Variants in GRM3 observed in about 807,000 individuals in gnomAD.
GRM3 encodes metabotropic glutamate receptor 3.
In GRM3, 26 loss-of-function variants were observed where a neutral mutation model predicts 70.5. The observed-to-expected ratio is 0.37, with a 90% CI of 0.27 to 0.51. The LOEUF (loss-of-function observed/expected upper bound fraction) is 0.51. GRM3 is among the 20% of genes least tolerant of loss of function. GRM3 has a pLI of 0.93. For missense variants in GRM3, 859 were observed against 1,123.8 expected (o/e 0.76, Z 3.37); for synonymous variants, 443 against 434.9 (o/e 1.02, Z -0.23).
intron 1 of GRM3, among the ~76,000 whole-genome samples, chr7:86,687,247 A>T (rs957433919): frequency 1.3e-5 from 2 of 152,016 alleles, no homozygotes; most frequent in Non-Finnish European, 2.9e-5. Flanking sequence ...TTTTATAGAC[A>T]TAAGATCCAA....
intron 1 of GRM3, among the ~76,000 whole-genome samples, chr7:86,672,174 A>C (rs1794188315): frequency 6.6e-6 from 1 of 152,200 alleles, no homozygotes; most frequent in African/African-American, 2.4e-5. Context: ...GAAATCAGTT[A>C]GGCAAATGTA....
intron 5 of GRM3, among the ~76,000 whole-genome samples, chr7:86,862,505 C>A (rs977051193): frequency 2.6e-5 from 4 of 152,086 alleles, no homozygotes; most frequent in Non-Finnish European, 5.9e-5. Flanking sequence ...TCAGGAAATG[C>A]ATATGACACC....
chr7:86,689,131 T>G (rs1794637629), intron 1 of GRM3, among the ~76,000 whole-genome samples: 1 of 151,392 alleles, frequency 6.6e-6, no homozygotes. Context: ...GTTTTGCAAG[T>G]TTAAATAGTA....
chr7:86,862,412 A>T (rs1798977620), intron 5 of GRM3, among the ~76,000 whole-genome samples: 1 of 152,118 alleles, frequency 6.6e-6, no homozygotes, highest in African/African-American at 2.4e-5. Context: ...AAGCCCTCAC[A>T]TTTGGAATTA....
chr7:86,673,810 C>T (rs920053606), intron 1 of GRM3, among the ~76,000 whole-genome samples: 2 of 152,098 alleles, frequency 1.3e-5, no homozygotes, highest in African/African-American at 2.4e-5. Flanking sequence ...AAGCCAGAAA[C>T]ATGGGAATCA....
At chr7:86,646,016 T>TTAG (rs1793462337) in intron 1 of GRM3, among the ~76,000 whole-genome samples, 1 of 9,898 alleles carries the variant, frequency 1.0e-4, no homozygotes, top group African/African-American at 4.2e-4. Context: ...TGGGGGGGGG[T>TTAG]GGGAGGGAGT....
At chr7:86,649,748 T>A (rs1009423295) in intron 1 of GRM3, among the ~76,000 whole-genome samples, 2 of 152,080 alleles carry the variant, frequency 1.3e-5, no homozygotes, top group Non-Finnish European at 2.9e-5. Flanking sequence ...TTTGAGAAGA[T>A]TCCTCTAAGA....
intron 1 of GRM3, among the ~76,000 whole-genome samples, chr7:86,688,837 T>A (rs1417673839): frequency 6.7e-6 from 1 of 148,604 alleles, no homozygotes; most frequent in Non-Finnish European, 1.5e-5. Flanking sequence ...TATATATGTG[T>A]TGACTTTTTA....
At chr7:86,647,500 A>G (rs962451615) in intron 1 of GRM3, among the ~76,000 whole-genome samples, 3 of 152,202 alleles carry the variant, frequency 2.0e-5, no homozygotes. Context: ...CGCACACTGG[A>G]ATGTGGCCAA....
chr7:86,644,232 TCGTATAAAAATC>T lies in GRM3; in HGVS notation c.-779_-768del, dbSNP rs1161531597. On this transcript the variant is annotated 5_prime_UTR_variant, in exon 1 of 6. Coordinates refer to ENST00000361669, the MANE Select transcript of GRM3 (RefSeq NM_000840.3). ...CAGTCGGCAAATCTACCCTGGCTTT[TCGTATAAAAATC>T]CTCTCGTCTAGGTACCCTGGCTCAC... is the stretch of plus-strand genomic sequence containing the variant. The T allele has an allele frequency of 1.3e-4, 22 of 173,782 alleles. No homozygotes were observed. The highest frequency in any genetic ancestry group is 1.1e-3 in the Admixed American group (20 of 18,188). 10.8% of individuals were successfully genotyped at this position (173,782 alleles called of 1,614,324 possible). A position where few individuals can be genotyped will look rare whatever the true frequency, so the allele number is the denominator to read the frequency against.
At chr7:86,693,167 C>T (rs1422966055) in intron 1 of GRM3, among the ~76,000 whole-genome samples, 1 of 152,166 alleles carries the variant, frequency 6.6e-6, no homozygotes, top group Non-Finnish European at 1.5e-5. Flanking sequence ...CTATGTGAGA[C>T]TCTATACCAG....
intron 3 of GRM3, among the ~76,000 whole-genome samples, chr7:86,792,823 G>A (rs1424168361): frequency 6.6e-6 from 1 of 152,104 alleles, no homozygotes; most frequent in Non-Finnish European, 1.5e-5. Context: ...AAATTACTAT[G>A]TATCTTACAC....
At chr7:86,861,133 G>A (rs1243136583) in intron 5 of GRM3, among the ~76,000 whole-genome samples, 2 of 152,180 alleles carry the variant, frequency 1.3e-5, no homozygotes, top group African/African-American at 4.8e-5. Context: ...TCTTGGCAAG[G>A]GTAGTTGATG....
In GRM3 at chr7:86,692,302, A is replaced by T. The variant is rs376708934; in HGVS notation, c.-141+47430A>T. Among the ~76,000 whole-genome samples the T allele has an allele frequency of 4.6e-5, 7 of 152,324 alleles. 1 individual carries two copies. In the South Asian group the frequency reaches 1.4e-3, roughly 32 times the overall value. ...GAATAACATACAAATTTTCTATCAT[A>T]GACTATAGAGTCTGTCTACATAATC... is the stretch of plus-strand genomic sequence containing the variant. On this transcript the variant is annotated intron_variant, in intron 1 of 5. Coordinates refer to ENST00000361669, the MANE Select transcript of GRM3 (RefSeq NM_000840.3).
At chr7:86,673,756 C>T (rs937520672) in intron 1 of GRM3, among the ~76,000 whole-genome samples, 4 of 152,216 alleles carry the variant, frequency 2.6e-5, no homozygotes, top group South Asian at 4.1e-4. Context: ...CTCTCTAATA[C>T]GCTCCTCCTT....
intron 3 of GRM3, among the ~76,000 whole-genome samples, chr7:86,835,610 C>T (rs1001257484): frequency 1.3e-5 from 2 of 151,986 alleles, no homozygotes; most frequent in African/African-American, 2.4e-5. Flanking sequence ...TTATATACAG[C>T]TCTTACTTTT....
chr7:86,696,372 G>A lies in GRM3; in HGVS notation c.-141+51500G>A, dbSNP rs573106585. 8.2e-4 allele frequency among the ~76,000 whole-genome samples: 125 copies of A among 152,196 alleles called. 1 individual carries two copies. The East Asian group carries it at 0.022, about 26-fold the overall frequency. On this transcript the variant is annotated intron_variant, in intron 1 of 5. Coordinates refer to ENST00000361669, the MANE Select transcript of GRM3 (RefSeq NM_000840.3). ...ACAATGTGACAATAGTAAAGATTGG[G>A]GGGATGAGGCCATATGCTAAGGAAT... is the stretch of plus-strand genomic sequence containing the variant.
chr7:86,778,405 T>C (rs1796952860), intron 2 of GRM3, among the ~76,000 whole-genome samples: 1 of 152,208 alleles, frequency 6.6e-6, no homozygotes, highest in African/African-American at 2.4e-5. Flanking sequence ...GGAAACTTGT[T>C]TCTACCAGAT....
Position 86,785,565 on chromosome 7 carries a change from T to C in GRM3, c.469-696T>C, listed in dbSNP as rs1797208018. ...GAATTCTATATTATTTCTTTTCACA[T>C]AGTCCAAGCAGAAAAATATTTTAAA... On this transcript the variant is annotated intron_variant, in intron 2 of 5. Coordinates refer to ENST00000361669, the MANE Select transcript of GRM3 (RefSeq NM_000840.3). 2.6e-5 allele frequency among the ~76,000 whole-genome samples: 4 copies of C among 151,810 alleles called. 1 individual carries two copies. Among genetic ancestry groups the C allele is most frequent in the South Asian group, 4.2e-4 (2 of 4,816 alleles).
Sources: gnomAD v4.1 joint callset for allele counts (sites outside exome capture counted in the v4.1 genomes callset) on GRCh38, gnomAD v4.1.1 for gene constraint, MANE v1.5 for transcripts, NCBI Gene and HGNC (gene_info 2026-07-23, HGNC 2026-07-21) for gene names.